GRM1: variants seen among roughly 807,000 people sequenced by gnomAD.
GRM1 encodes the protein metabotropic glutamate receptor 1.
GRM1 carries 33 observed loss-of-function variants against 90.9 expected under a neutral mutation model. The ratio of observed to expected loss-of-function variants is 0.36; its 90% CI spans 0.28 to 0.49. The LOEUF (loss-of-function observed/expected upper bound fraction) is 0.49. Among genes scored for constraint, GRM1 ranks in the 20% least tolerant of loss-of-function variants. GRM1 has a pLI of 0.99. For synonymous variants in GRM1, 700 were observed against 613.2 expected (o/e 1.14, Z -2.09); for missense variants, 1,190 against 1,534.3 (o/e 0.78, Z 3.75).
chr6:146,359,043 G>A (rs113333239), intron 5 of GRM1, among the ~76,000 whole-genome samples: 100 of 152,256 alleles, frequency 6.6e-4, no homozygotes, highest in African/African-American at 2.0e-3. Context: ...GGGAAGGTTT[G>A]GCCAATGTGT....
intron 5 of GRM1, among the ~76,000 whole-genome samples, chr6:146,373,087 T>C (rs1775962798): frequency 6.6e-6 from 1 of 152,136 alleles, no homozygotes; most frequent in Admixed American, 6.6e-5. Flanking sequence ...TGGTTTATTC[T>C]AATCAATTAA....
rs117707151 is a variant in GRM1, at chr6:146,223,575, C to T, written c.950+63978C>T. Among the ~76,000 whole-genome samples, 34 of 152,184 alleles carry T rather than the reference C, an allele frequency of 2.2e-4. 1 individual carries two copies. The highest frequency in any genetic ancestry group is 4.6e-4 in the Non-Finnish European group (31 of 67,982). ...AAAGGAGGAAACAATAAAAAGTTATCTCTATAACAGCCTTGAAAAATGCCA... is the reference window on the plus strand; with the variant it reads ...AAAGGAGGAAACAATAAAAAGTTATTTCTATAACAGCCTTGAAAAATGCCA... On this transcript the variant is annotated intron_variant, in intron 2 of 7. Transcript: ENST00000282753.
At chr6:146,248,310 A>T (rs937285065) in intron 2 of GRM1, among the ~76,000 whole-genome samples, 1 of 152,176 alleles carries the variant, frequency 6.6e-6, no homozygotes, top group Non-Finnish European at 1.5e-5. Context: ...TTGGATTGTG[A>T]TATGGTTTGG....
intron 2 of GRM1, among the ~76,000 whole-genome samples, chr6:146,303,677 G>A (rs151270409): frequency 1.1e-3 from 172 of 152,182 alleles, no homozygotes; most frequent in African/African-American, 3.7e-3. Flanking sequence ...GGCCGACCTC[G>A]TGCCAGTGGC....
chr6:146,072,683 A>T (rs369675053), intron 1 of GRM1, among the ~76,000 whole-genome samples: 4 of 152,284 alleles, frequency 2.6e-5, no homozygotes, highest in African/African-American at 9.6e-5. Flanking sequence ...TTATTAATTT[A>T]TGCCAGATAG....
intron 2 of GRM1, among the ~76,000 whole-genome samples, chr6:146,185,503 A>C (rs73573194): frequency 0.061 from 9,238 of 152,262 alleles, 312 homozygotes; most frequent in African/African-American, 0.079. Flanking sequence ...CTTTGTAGGC[A>C]TCTCTGAAAA....
intron 7 of GRM1, among the ~76,000 whole-genome samples, chr6:146,405,324 A>T (rs944470558): frequency 6.6e-5 from 10 of 152,178 alleles, no homozygotes; most frequent in African/African-American, 2.4e-4. Flanking sequence ...GGAAGAACAA[A>T]CATTAGGGAA....
At chr6:146,211,895 A>T (rs1779699379) in intron 2 of GRM1, among the ~76,000 whole-genome samples, 1 of 152,184 alleles carries the variant, frequency 6.6e-6, no homozygotes, top group African/African-American at 2.4e-5. Flanking sequence ...GAGAAAGAGA[A>T]TCATTAGGAG....
chr6:146,164,854 T>G (rs1012397974), intron 2 of GRM1, among the ~76,000 whole-genome samples: 1 of 152,080 alleles, frequency 6.6e-6, no homozygotes, highest in African/African-American at 2.4e-5. Context: ...TTGTTAGGAG[T>G]CTTTGACTAG....
chr6:146,068,221 C>T (rs1434233333), intron 1 of GRM1, among the ~76,000 whole-genome samples: 1 of 151,874 alleles, frequency 6.6e-6, no homozygotes, highest in African/African-American at 2.4e-5. Context: ...TCACACCATT[C>T]TCCTGCCTCA....
chr6:146,161,178 A>G (rs959814407), intron 2 of GRM1, among the ~76,000 whole-genome samples: 5 of 152,132 alleles, frequency 3.3e-5, no homozygotes, highest in Non-Finnish European at 7.4e-5. Context: ...CATATTTATA[A>G]TTTACAAAAC....
intron 2 of GRM1, among the ~76,000 whole-genome samples, chr6:146,224,577 A>G (rs991031358): frequency 1.3e-5 from 2 of 152,200 alleles, no homozygotes; most frequent in African/African-American, 4.8e-5. Flanking sequence ...GACAGCTTAG[A>G]TAATGAAAAG....
intron 3 of GRM1, among the ~76,000 whole-genome samples, chr6:146,324,029 G>A (rs927613758): frequency 2.0e-5 from 3 of 152,222 alleles, no homozygotes; most frequent in Non-Finnish European, 4.4e-5. Flanking sequence ...GTAGCATGAT[G>A]CCTCTGGCTT....
intron 2 of GRM1, among the ~76,000 whole-genome samples, chr6:146,212,695 A>G (rs1779720623): frequency 6.6e-6 from 1 of 152,198 alleles, no homozygotes; most frequent in Admixed American, 6.5e-5. Flanking sequence ...ATGATGGCTA[A>G]GTTCCCAGGC....
intron 2 of GRM1, among the ~76,000 whole-genome samples, chr6:146,240,384 G>A (rs1780810701): frequency 6.6e-6 from 1 of 151,952 alleles, no homozygotes; most frequent in Admixed American, 6.6e-5. Flanking sequence ...GAGAAACTGT[G>A]AGGCAAGGCA....
At chr6:146,310,278 T>C (rs1783728304) in intron 3 of GRM1, among the ~76,000 whole-genome samples, 1 of 152,254 alleles carries the variant, frequency 6.6e-6, no homozygotes, top group Admixed American at 6.5e-5. Context: ...TCAAATTTTA[T>C]GGACTCCACT....
chr6:146,388,884 C>T (rs1209396466), intron 6 of GRM1, among the ~76,000 whole-genome samples: 6 of 152,054 alleles, frequency 3.9e-5, no homozygotes, highest in Non-Finnish European at 7.4e-5. Context: ...CACCCAGGGT[C>T]ATCGAGGTCA....
At position 146,034,395 on chromosome 6, in the gene GRM1, A is replaced by T. The variant is rs573816310; in HGVS notation, c.700+4178A>T. Among the ~76,000 whole-genome samples the T allele has an allele frequency of 5.7e-4, 86 of 152,058 alleles. 1 individual carries two copies. In the South Asian group the frequency reaches 0.018, roughly 32 times the overall value. ...TTACCATCATAGCTGACTAGAGTAG[A>T]TCTTACATCAATTAACATCCCAAGG... is the stretch of plus-strand genomic sequence containing the variant. On this transcript the variant is annotated intron_variant, in intron 1 of 7. Transcript: ENST00000282753.
intron 1 of GRM1, among the ~76,000 whole-genome samples, chr6:146,116,224 T>C (rs949619759): frequency 1.3e-5 from 2 of 152,164 alleles, no homozygotes; most frequent in Non-Finnish European, 2.9e-5. Context: ...CCCAAAGTAT[T>C]GGGATTACAG....
Sources: allele counts gnomAD v4.1 joint callset (sites outside exome capture counted in the v4.1 genomes callset), GRCh38; gene constraint gnomAD v4.1.1; transcripts MANE v1.5; gene names NCBI Gene and HGNC (gene_info 2026-07-23, HGNC 2026-07-21).